The following CASP5 variants were observed in gnomAD, a reference collection of about 807,000 sequenced individuals.
CASP5 encodes caspase-5.
Under a neutral mutation model 45.2 loss-of-function variants are expected in CASP5, and 42 were observed. The ratio of observed to expected loss-of-function variants is 0.93; its 90% confidence interval spans 0.73 to 1.20. The LOEUF is 1.20. CASP5 is among the 50% of genes most tolerant of loss of function. The pLI is 0.00. For missense variants in CASP5, 512 were observed against 532.2 expected (o/e 0.96, Z 0.37); for synonymous variants, 209 against 186.2 (o/e 1.12, Z -1.00).
At chr11:105,018,684 A>G (rs1377034452) in intron 1 of CASP5, among the ~76,000 whole-genome samples, 1 of 145,626 alleles carries the variant, frequency 6.9e-6, no homozygotes, top group Non-Finnish European at 1.5e-5. Context: ...AAAGAGACTT[A>G]GACTCCCACA....
chr11:105,002,537 G>A (rs1300495161), intron 4 of CASP5, among the ~76,000 whole-genome samples: 1 of 151,970 alleles, frequency 6.6e-6, no homozygotes, highest in Non-Finnish European at 1.5e-5. Flanking sequence ...AATAAATATA[G>A]CAAATTTTCT....
intron 1 of CASP5, among the ~76,000 whole-genome samples, chr11:105,019,251 A>G (rs1189566179): frequency 2.7e-5 from 4 of 150,838 alleles, no homozygotes; most frequent in Non-Finnish European, 5.9e-5. Context: ...AGGAACTAGA[A>G]AAGCAAGAGC....
At chr11:105,016,544 GAC>G (rs1862608613) in intron 1 of CASP5, among the ~76,000 whole-genome samples, 1 of 152,210 alleles carries the variant, frequency 6.6e-6, no homozygotes, top group African/African-American at 2.4e-5. Context: ...AGAAAGGGGT[GAC>G]ACACGGCACC....
chr11:105,009,758 T>TATATATATATACAC lies in CASP5; in HGVS notation c.8-779_8-778insGTGTATATATATAT, dbSNP rs1555079440. ...ATATATATATATATATATATATATA[T>TATATATATATACAC]ACACACACACACGTATATATATATA... On this transcript the variant is annotated intron_variant, in intron 1 of 9. Transcript: ENST00000260315. Among the ~76,000 whole-genome samples the TATATATATATACAC allele has an allele frequency of 2.8e-4, 25 of 90,272 alleles. 1 individual carries two copies. Among genetic ancestry groups the TATATATATATACAC allele is most frequent in the East Asian group, 6.2e-4 (2 of 3,226 alleles). 59.2% of individuals were successfully genotyped at this position (90,272 alleles called of 152,430 possible).
intron 3 of CASP5, among the ~76,000 whole-genome samples, chr11:105,004,517 T>A (rs955158022): frequency 4.6e-5 from 7 of 152,160 alleles, no homozygotes; most frequent in Non-Finnish European, 1.0e-4. Flanking sequence ...TTTCTTTTCA[T>A]GAAAGAAATG....
At chr11:105,015,968 A>G (rs1862568464) in intron 1 of CASP5, among the ~76,000 whole-genome samples, 1 of 152,196 alleles carries the variant, frequency 6.6e-6, no homozygotes, top group African/African-American at 2.4e-5. Flanking sequence ...TGATTAATGG[A>G]AAAATGAATA....
chr11:105,020,181 C>A lies in CASP5; in HGVS notation c.7+2949G>T, dbSNP rs1449160251. ...TCAAAATAATAAGAGCTATCTATGA[C>A]AAACCCACAGCCAATATCATACTGA... On this transcript the variant is annotated intron_variant, in intron 1 of 9. Coordinates refer to ENST00000260315, the MANE Select transcript of CASP5 (RefSeq NM_004347.5). Among the ~76,000 whole-genome samples the A allele has an allele frequency of 3.4e-5, 5 of 146,492 alleles. No individual in the cohort carries two copies. In the East Asian group the frequency reaches 7.9e-4, roughly 23 times the overall value.
chr11:104,995,441 A>G (rs557867733), intron 9 of CASP5, among the ~76,000 whole-genome samples: 8 of 152,268 alleles, frequency 5.3e-5, no homozygotes, highest in Non-Finnish European at 1.0e-4. Context: ...TGAGAGATAA[A>G]TGAACATAAT....
chr11:105,021,926 A>G (rs1265072785), intron 1 of CASP5, among the ~76,000 whole-genome samples: 1 of 149,754 alleles, frequency 6.7e-6, no homozygotes, highest in Non-Finnish European at 1.5e-5. Context: ...TCCAACAATG[A>G]TAGACTGGAT....
chr11:105,022,178 G>T, intron 1 of CASP5, among the ~76,000 whole-genome samples: 1 of 111,626 alleles, frequency 9.0e-6, no homozygotes. Context: ...GGGGAGGGGG[G>T]AGGGATAGCA....
intron 1 of CASP5, among the ~76,000 whole-genome samples, chr11:105,016,546 C>T (rs1862608760): frequency 6.6e-6 from 1 of 152,196 alleles, no homozygotes; most frequent in African/African-American, 2.4e-5. Flanking sequence ...AAAGGGGTGA[C>T]ACACGGCACC....
intron 1 of CASP5, among the ~76,000 whole-genome samples, chr11:105,021,683 A>C (rs1480728155): frequency 6.8e-6 from 1 of 147,652 alleles, no homozygotes; most frequent in Non-Finnish European, 1.5e-5. Flanking sequence ...AGGATGTGGA[A>C]AAATAGGAAC....
chr11:105,014,990 G>A (rs1376233962), intron 1 of CASP5, among the ~76,000 whole-genome samples: 1 of 152,218 alleles, frequency 6.6e-6, no homozygotes, highest in Non-Finnish European at 1.5e-5. Context: ...ACAGAGAGCA[G>A]TGTGGGAAGA....
At chr11:105,012,091 G>T (rs912019350) in intron 1 of CASP5, among the ~76,000 whole-genome samples, 1 of 151,692 alleles carries the variant, frequency 6.6e-6, no homozygotes, top group African/African-American at 2.4e-5. Flanking sequence ...CAAACACAGA[G>T]ATCAATGGAA....
At chr11:105,009,111 C>T (rs1216471309) in intron 1 of CASP5, 131 bp from the exon 2 acceptor site, 2 of 747,802 alleles carry the variant, frequency 2.7e-6, no homozygotes, top group Non-Finnish European at 4.3e-6. Flanking sequence ...TCAACAAATA[C>T]TCATTATTTC....
chr11:105,003,764 T>C (rs1861869635), intron 3 of CASP5, among the ~76,000 whole-genome samples: 1 of 152,140 alleles, frequency 6.6e-6, no homozygotes, highest in African/African-American at 2.4e-5. Flanking sequence ...GTGTGCTAAG[T>C]AAATACTTGT....
At chr11:105,002,288 T>A in intron 4 of CASP5, 87 bp from the exon 5 acceptor site, 1 of 1,097,996 alleles carries the variant, frequency 9.1e-7, no homozygotes, top group Non-Finnish European at 1.4e-6. Context: ...TTTTAAGACC[T>A]CATGCAGCTG....
chr11:105,003,322 A>C lies in CASP5; in HGVS notation c.495T>G (p.Leu165=). The C allele has an allele frequency of 6.2e-7, 1 of 1,607,880 alleles. No homozygotes were observed. The highest frequency in any genetic ancestry group is 1.1e-5 in the South Asian group (1 of 90,196). ...GTCTCAGGAATTCTTCACGAGGACA[A>C]AGTTTGAGTATATTTGTAGATTCTG... ...ESAESTNILK[L]CPREEFLRLC... Residue 165 remains leucine, a synonymous_variant, in exon 4 of 10, where the codon CTT becomes CTG. Transcript: ENST00000260315.
chr11:105,020,336 G>A (rs1862881740), intron 1 of CASP5, among the ~76,000 whole-genome samples: 1 of 152,072 alleles, frequency 6.6e-6, no homozygotes, highest in South Asian at 2.1e-4. Flanking sequence ...AAAATAAAGG[G>A]TATTCAATTA....
Sources: allele counts gnomAD v4.1 joint callset (sites outside exome capture counted in the v4.1 genomes callset), GRCh38; gene constraint gnomAD v4.1.1; transcripts MANE v1.5; gene names NCBI Gene and HGNC (gene_info 2026-07-23, HGNC 2026-07-21).